Variants in KIRREL1 observed in about 807,000 individuals in gnomAD.
KIRREL1 encodes kirre like nephrin family adhesion molecule 1, also known as kin of IRRE-like protein 1.
KIRREL1 carries 25 observed loss-of-function variants against 83.3 expected under a neutral mutation model. The ratio of observed to expected loss-of-function variants is 0.30; its 90% CI spans 0.22 to 0.42. The LOEUF is 0.42. KIRREL1 is among the 10% of genes least tolerant of loss of function. KIRREL1 has a pLI of 1.00. For missense variants in KIRREL1, 812 were observed against 1,032.3 expected (o/e 0.79, Z 2.92); for synonymous variants, 388 against 410.4 (o/e 0.95, Z 0.66).
At chr1:158,085,495 CTG>C (rs1661988108) in intron 4 of KIRREL1, among the ~76,000 whole-genome samples, 1 of 152,204 alleles carries the variant, frequency 6.6e-6, no homozygotes, top group Non-Finnish European at 1.5e-5. Flanking sequence ...CAACCAAAAA[CTG>C]TGATTTTTCT....
chr1:158,017,462 A>AG (rs1162581817), intron 1 of KIRREL1, among the ~76,000 whole-genome samples: 1 of 151,714 alleles, frequency 6.6e-6, no homozygotes, highest in Non-Finnish European at 1.5e-5. Context: ...GAAGCTGAGG[A>AG]GGGCGGATCA....
rs559180878 is a variant in KIRREL1, at chr1:158,078,395, A to G, written c.352+255A>G. ...CAGCCAGTGCCTCGGCCACTCAGGGACAGGGCCTTCTGCCTTTTAGAAACA... is the reference window on the plus strand; with the variant it reads ...CAGCCAGTGCCTCGGCCACTCAGGGGCAGGGCCTTCTGCCTTTTAGAAACA... On this transcript the variant is annotated intron_variant, in intron 3 of 14. Coordinates refer to ENST00000359209, the MANE Select transcript of KIRREL1 (RefSeq NM_018240.7). Among the ~76,000 whole-genome samples, 618 of 152,262 alleles carry G rather than the reference A, an allele frequency of 4.1e-3. 2 individuals carry two copies. Among genetic ancestry groups the G allele is most frequent in the Non-Finnish European group, 7.6e-3 (519 of 68,026 alleles).
chr1:158,074,497 C>T (rs1661612492), intron 1 of KIRREL1, among the ~76,000 whole-genome samples: 1 of 152,204 alleles, frequency 6.6e-6, no homozygotes, highest in South Asian at 2.1e-4. Context: ...TCTGCTGGAA[C>T]AGATAGGGCA....
chr1:158,065,611 T>G (rs1661336857), intron 1 of KIRREL1, among the ~76,000 whole-genome samples: 1 of 152,158 alleles, frequency 6.6e-6, no homozygotes, highest in Non-Finnish European at 1.5e-5. Context: ...CCTTGGTTTG[T>G]GGGGAGACAC....
At chr1:158,026,095 G>A (rs192081023) in intron 1 of KIRREL1, among the ~76,000 whole-genome samples, 1 of 152,252 alleles carries the variant, frequency 6.6e-6, no homozygotes, top group African/African-American at 2.4e-5. Flanking sequence ...CCTTCCTCTT[G>A]ACTAAGTCAT....
intron 3 of KIRREL1, among the ~76,000 whole-genome samples, chr1:158,078,803 T>C (rs998240286): frequency 6.6e-6 from 1 of 152,144 alleles, no homozygotes; most frequent in African/African-American, 2.4e-5. Context: ...CTGCAGCTCT[T>C]GGAAGCCCTG....
intron 3 of KIRREL1, among the ~76,000 whole-genome samples, chr1:158,078,960 C>A (rs538700742): frequency 6.6e-6 from 1 of 152,232 alleles, no homozygotes; most frequent in Admixed American, 6.5e-5. Flanking sequence ...CCTTGCCCCC[C>A]CTCACCCACT....
At chr1:158,069,302 T>TTTGTG (rs1553241941) in intron 1 of KIRREL1, among the ~76,000 whole-genome samples, 1 of 143,292 alleles carries the variant, frequency 7.0e-6, no homozygotes, top group Non-Finnish European at 1.5e-5. Flanking sequence ...TATGACGTAC[T>TTTGTG]TGTGTGTGTG....
chr1:158,058,972 G>T (rs74120539), intron 1 of KIRREL1, among the ~76,000 whole-genome samples: 2 of 152,192 alleles, frequency 1.3e-5, no homozygotes, highest in Non-Finnish European at 2.9e-5. Flanking sequence ...GATGCAGAGA[G>T]GGAGTGGCAG....
chr1:158,086,212 T>C (rs960688719), intron 4 of KIRREL1, among the ~76,000 whole-genome samples: 1 of 152,098 alleles, frequency 6.6e-6, no homozygotes, highest in African/African-American at 2.4e-5. Context: ...CTCCCTGTAC[T>C]TTCTGCTCAA....
chr1:157,993,919 G>T (rs1324585317), intron 1 of KIRREL1, among the ~76,000 whole-genome samples, 191 bp downstream of exon 1: 1 of 152,058 alleles, frequency 6.6e-6, no homozygotes, highest in East Asian at 1.9e-4. Flanking sequence ...GGGCTGGGGA[G>T]AATGAGTTTG....
rs144474634 is a variant in KIRREL1 at position 158,015,903 on chromosome 1, T to C, written c.52+22175T>C. Among the ~76,000 whole-genome samples the C allele has an allele frequency of 4.2e-4, 64 of 152,358 alleles. No individual in the cohort carries two copies. The East Asian group carries it at 0.011, about 26-fold the overall frequency. Reference sequence around the variant, plus strand: ...TCCCAGTGTCTAGTTTCTTCTCTTATTTTTAATATCATTGACCGAATCTAT... The same window carrying C: ...TCCCAGTGTCTAGTTTCTTCTCTTACTTTTAATATCATTGACCGAATCTAT... On this transcript the variant is annotated intron_variant, in intron 1 of 14. Transcript: ENST00000359209.
At chr1:158,089,928 C>A in intron 10 of KIRREL1, 110 bp downstream of exon 10, 1 of 867,968 alleles carries the variant, frequency 1.2e-6, no homozygotes. Context: ...TGTCCCGTTT[C>A]CATCCTCGAA....
chr1:158,011,140 C>T (rs912789318), intron 1 of KIRREL1, among the ~76,000 whole-genome samples: 8 of 152,204 alleles, frequency 5.3e-5, no homozygotes, highest in African/African-American at 1.9e-4. Flanking sequence ...CCTCCTGTGT[C>T]TGACTGCAGA....
At chr1:158,040,036 T>C (rs10796989) in intron 1 of KIRREL1, among the ~76,000 whole-genome samples, 123,629 of 152,240 alleles carry the variant, frequency 0.81, 50,761 homozygotes, top group East Asian at 0.99. Context: ...GGTTCTCCAG[T>C]GGAAAGCATG....
chr1:158,010,570 G>T (rs767107351), intron 1 of KIRREL1, among the ~76,000 whole-genome samples: 2 of 152,150 alleles, frequency 1.3e-5, no homozygotes, highest in Non-Finnish European at 2.9e-5. Context: ...ACATGCTCTG[G>T]CTTTGCCCTG....
At chr1:158,018,005 G>A (rs1465884447) in intron 1 of KIRREL1, among the ~76,000 whole-genome samples, 2 of 152,094 alleles carry the variant, frequency 1.3e-5, no homozygotes, top group African/African-American at 2.4e-5. Context: ...ACTGGCAACC[G>A]GCAACTCTCA....
intron 1 of KIRREL1, among the ~76,000 whole-genome samples, chr1:158,023,876 T>C (rs1049828424): frequency 6.6e-6 from 1 of 152,136 alleles, no homozygotes; most frequent in Non-Finnish European, 1.5e-5. Flanking sequence ...TTGTCAAATA[T>C]CTTGGTAAAA....
intron 1 of KIRREL1, among the ~76,000 whole-genome samples, chr1:158,040,553 T>A (rs184686309): frequency 6.6e-6 from 1 of 152,240 alleles, no homozygotes; most frequent in Non-Finnish European, 1.5e-5. Context: ...ATTCTTCCTC[T>A]CCATTGTCTA....
Sources: allele counts gnomAD v4.1 joint callset (sites outside exome capture counted in the v4.1 genomes callset), GRCh38; gene constraint gnomAD v4.1.1; transcripts MANE v1.5; gene names NCBI Gene and HGNC (gene_info 2026-07-23, HGNC 2026-07-21).